GNAI1: variants seen among roughly 807,000 people sequenced by gnomAD.
GNAI1 encodes guanine nucleotide-binding protein G(i) subunit alpha-1.
GNAI1 carries 11 observed loss-of-function variants against 38.9 expected under a neutral mutation model. The observed-to-expected ratio is 0.28, with a 90% CI of 0.18 to 0.47. The LOEUF (loss-of-function observed/expected upper bound fraction) is 0.47. Among genes scored for constraint, GNAI1 ranks in the 20% least tolerant of loss-of-function variants. GNAI1 has a pLI of 0.99. For synonymous variants in GNAI1, 166 were observed against 145.1 expected (o/e 1.14, Z -1.04); for missense variants, 317 against 436.9 (o/e 0.73, Z 2.45).
intron 1 of GNAI1, chr7:80,136,021 C>T: frequency 1.0e-6 from 1 of 985,454 alleles, no homozygotes. Flanking sequence ...TCACGCCAGA[C>T]AACAGGGTTC....
In GNAI1 at chr7:80,224,168, A is replaced by G. The variant is rs553415303; in HGVS notation, c.*6675A>G. 5.9e-5 allele frequency among the ~76,000 whole-genome samples: 9 copies of G among 152,372 alleles called. 1 individual carries two copies. The South Asian group carries it at 1.9e-3, about 32-fold the overall frequency. On this transcript the variant is annotated 3_prime_UTR_variant, in exon 8 of 8. Coordinates refer to ENST00000649796, the MANE Select transcript of GNAI1 (RefSeq NM_002069.6). ...ATATGTTAGAGATACATAAATATAT[A>G]GAGAAAATGCATACATACATAATTT...
intron 5 of GNAI1, among the ~76,000 whole-genome samples, chr7:80,209,738 T>A (rs941288362): frequency 2.0e-5 from 3 of 152,192 alleles, no homozygotes; most frequent in African/African-American, 7.2e-5. Context: ...TATTTTCAAA[T>A]TGTGTTCCTG....
chr7:80,163,994 C>T lies in GNAI1; in HGVS notation c.119-24957C>T, dbSNP rs577684168. Among the ~76,000 whole-genome samples, 347 of 144,232 alleles carry T rather than the reference C, an allele frequency of 2.4e-3. 4 individuals are homozygous for T. Among genetic ancestry groups the T allele is most frequent in the African/African-American group, 8.1e-3 (316 of 38,786 alleles). 94.6% of individuals were successfully genotyped at this position (144,232 alleles called of 152,430 possible). The stretch of plus-strand genomic sequence containing the variant: ...TTTTTTTTTTTTTTGGTGGGGGGAC[C>T]GAGTCTCTCTCTGTCACCAGGCTTC... On this transcript the variant is annotated intron_variant, in intron 1 of 7. Transcript: ENST00000649796.
intron 1 of GNAI1, among the ~76,000 whole-genome samples, chr7:80,181,723 A>G (rs1209125628): frequency 6.6e-6 from 1 of 152,192 alleles, no homozygotes; most frequent in Admixed American, 6.5e-5. Context: ...TTCTGCAGCT[A>G]AATGTTCAAA....
rs1224254052 is a variant in GNAI1, at chr7:80,221,396, T to C, written c.*3903T>C. Among the ~76,000 whole-genome samples the C allele has an allele frequency of 2.0e-5, 3 of 152,204 alleles. No homozygotes were observed. Among genetic ancestry groups the C allele is most frequent in the African/African-American group, 7.2e-5 (3 of 41,458 alleles). On this transcript the variant is annotated 3_prime_UTR_variant, in exon 8 of 8. Coordinates refer to ENST00000649796, the MANE Select transcript of GNAI1 (RefSeq NM_002069.6). ...GTTATTTGATTATAAATAATAGTTT[T>C]AAGGTGCCTTTAAAATCATAATCAG...
chr7:80,136,306 C>A (rs2428469), intron 1 of GNAI1, among the ~76,000 whole-genome samples: 94,070 of 152,032 alleles, frequency 0.62, 30,978 homozygotes, highest in Non-Finnish European at 0.72. Flanking sequence ...TTCTCAGAAT[C>A]TTCATTTGCA....
At chr7:80,141,004 C>G (rs894339110) in intron 1 of GNAI1, among the ~76,000 whole-genome samples, 2 of 152,198 alleles carry the variant, frequency 1.3e-5, no homozygotes, top group African/African-American at 4.8e-5. Context: ...TGTGGCATCA[C>G]TCTCCTGCCT....
At chr7:80,174,414 T>G (rs1788147163) in intron 1 of GNAI1, among the ~76,000 whole-genome samples, 2 of 151,496 alleles carry the variant, frequency 1.3e-5, no homozygotes, top group South Asian at 4.1e-4. Flanking sequence ...ACACTATATA[T>G]GCTTATTTTC....
At chr7:80,184,207 G>A (rs909882236) in intron 1 of GNAI1, among the ~76,000 whole-genome samples, 1 of 152,190 alleles carries the variant, frequency 6.6e-6, no homozygotes, top group African/African-American at 2.4e-5. Flanking sequence ...AGACCGAGAA[G>A]TTTTAGAGGA....
At chr7:80,141,991 A>G (rs764281219) in intron 1 of GNAI1, among the ~76,000 whole-genome samples, 2 of 152,176 alleles carry the variant, frequency 1.3e-5, no homozygotes, top group South Asian at 2.1e-4. Context: ...GCGTCTAGCA[A>G]TAGTATGTTC....
intron 1 of GNAI1, among the ~76,000 whole-genome samples, chr7:80,157,688 C>T (rs1023472109): frequency 1.3e-5 from 2 of 152,074 alleles, no homozygotes; most frequent in Non-Finnish European, 2.9e-5. Context: ...TTCTTGATGA[C>T]ATATGTGAAG....
intron 7 of GNAI1, among the ~76,000 whole-genome samples, chr7:80,214,585 T>C (rs1788928642): frequency 6.6e-6 from 1 of 152,188 alleles, no homozygotes. Flanking sequence ...AAAAAGAATA[T>C]TACATAATTC....
At position 80,221,595 on chromosome 7, in the gene GNAI1, G is replaced by A. The variant is rs1789075088; in HGVS notation, c.*4102G>A. ...TTCTGTCGTTTTAATGTAACCAATA[G>A]TATGAGAGAGTTTATATTTTAATGT... On this transcript the variant is annotated 3_prime_UTR_variant, in exon 8 of 8. Coordinates refer to ENST00000649796, the MANE Select transcript of GNAI1 (RefSeq NM_002069.6). 6.9e-6 allele frequency among the ~76,000 whole-genome samples: 1 copy of A among 144,160 alleles called. No individual in the cohort carries two copies. The allele number at this position is 144,160 out of a possible 152,430, so 94.6% of individuals were successfully genotyped here.
chr7:80,190,902 C>T (rs963292295), intron 3 of GNAI1, among the ~76,000 whole-genome samples: 5 of 150,080 alleles, frequency 3.3e-5, no homozygotes, highest in African/African-American at 1.2e-4. Context: ...TTTTTTTAAA[C>T]ATAACTTGGG....
intron 1 of GNAI1, among the ~76,000 whole-genome samples, chr7:80,174,658 A>G (rs1467563556): frequency 4.0e-5 from 6 of 151,632 alleles, no homozygotes; most frequent in South Asian, 2.1e-4. Flanking sequence ...ACATGTTTAT[A>G]TATTTGTTTA....
chr7:80,214,776 T>C (rs1205934051), intron 7 of GNAI1, among the ~76,000 whole-genome samples: 1 of 152,146 alleles, frequency 6.6e-6, no homozygotes, highest in African/African-American at 2.4e-5. Context: ...GTGTTACCCT[T>C]CTCCTCCTCT....
intron 3 of GNAI1, among the ~76,000 whole-genome samples, chr7:80,190,225 C>A (rs1041866922): frequency 3.3e-5 from 5 of 151,970 alleles, no homozygotes; most frequent in Non-Finnish European, 5.9e-5. Context: ...AGGGAATATA[C>A]ATTGGAAAAA....
In GNAI1 at chr7:80,199,404, A is replaced by AC. The variant is rs776729813; in HGVS notation, c.461+23dup. 5 of 1,546,308 alleles carry AC rather than the reference A, an allele frequency of 3.2e-6. No homozygotes were observed. The African/African-American group carries it at 6.8e-5, about 21-fold the overall frequency. ...CATAGTAAGTAATCATAACTTCAGA[A>AC]CTAAACTATCATGAATAATTACTTG... On this transcript the variant is annotated intron_variant, in intron 4 of 7. Coordinates refer to ENST00000649796, the MANE Select transcript of GNAI1 (RefSeq NM_002069.6).
chr7:80,216,529 T>C (rs979815344), intron 7 of GNAI1, among the ~76,000 whole-genome samples: 4 of 152,222 alleles, frequency 2.6e-5, no homozygotes, highest in Non-Finnish European at 4.4e-5. Context: ...TGCGATCTTT[T>C]TGCATCTAGC....
Sources: allele counts gnomAD v4.1 joint callset (sites outside exome capture counted in the v4.1 genomes callset), GRCh38; gene constraint gnomAD v4.1.1; transcripts MANE v1.5; gene names NCBI Gene and HGNC (gene_info 2026-07-23, HGNC 2026-07-21).